TGFBRAP1: variants seen among roughly 807,000 people sequenced by gnomAD.
The protein encoded by TGFBRAP1 is transforming growth factor beta receptor associated protein 1.
TGFBRAP1 carries 20 observed loss-of-function variants against 83.2 expected under a neutral mutation model. The observed-to-expected ratio is 0.24, with a 90% CI of 0.17 to 0.35. TGFBRAP1 has a LOEUF of 0.35. TGFBRAP1 is among the 10% of genes least tolerant of loss of function. The pLI is 1.00. For missense variants in TGFBRAP1, 950 were observed against 1,099.4 expected (o/e 0.86, Z 1.92); for synonymous variants, 415 against 459.8 (o/e 0.90, Z 1.25).
chr2:105,299,630 C>T (rs1678216021), intron 2 of TGFBRAP1, among the ~76,000 whole-genome samples: 1 of 151,842 alleles, frequency 6.6e-6, no homozygotes, highest in Non-Finnish European at 1.5e-5. Flanking sequence ...GGCAGTGGTG[C>T]GTGTCTATAA....
In TGFBRAP1 at chr2:105,300,318, T is replaced by A. The variant is rs111709080; in HGVS notation, c.689-1613A>T. 5.3e-3 allele frequency among the ~76,000 whole-genome samples: 808 copies of A among 152,260 alleles called. 6 individuals carry two copies. Among genetic ancestry groups the A allele is most frequent in the Non-Finnish European group, 8.4e-3 (571 of 68,024 alleles). ...ACAAGCAGAACAAAACTTAAGAAGG[T>A]TGGTTCATTTAGCCAGATGCCCATG... On this transcript the variant is annotated intron_variant, in intron 2 of 11. Coordinates refer to ENST00000393359, the MANE Select transcript of TGFBRAP1 (RefSeq NM_004257.6).
chr2:105,276,785 T>G (rs1208125962), intron 7 of TGFBRAP1, among the ~76,000 whole-genome samples: 1 of 152,222 alleles, frequency 6.6e-6, no homozygotes, highest in African/African-American at 2.4e-5. Context: ...TTTTTTGTTG[T>G]TGTTGTTGTT....
At chr2:105,316,474 C>A (rs935839002) in intron 1 of TGFBRAP1, among the ~76,000 whole-genome samples, 66 of 70,502 alleles carry the variant, frequency 9.4e-4, no homozygotes, top group Non-Finnish European at 1.4e-3. Flanking sequence ...CGCGCGCGCG[C>A]GCGCGCACGC....
At chr2:105,277,166 C>T (rs182219120) in intron 7 of TGFBRAP1, among the ~76,000 whole-genome samples, 97 of 152,306 alleles carry the variant, frequency 6.4e-4, no homozygotes, top group Non-Finnish European at 1.1e-3. Flanking sequence ...GGACACATGG[C>T]CTCGGGCAAG....
At chr2:105,262,606 C>T (rs559635245), downstream of TGFBRAP1, among the ~76,000 whole-genome samples, 1 of 152,326 alleles carries the variant, frequency 6.6e-6, no homozygotes, top group South Asian at 2.1e-4. Flanking sequence ...ACCTGACTTG[C>T]TGAGGACCAC....
intron 6 of TGFBRAP1, 49 bp from the exon 7 acceptor site, chr2:105,277,720 G>T (rs373875899): frequency 6.3e-7 from 1 of 1,575,850 alleles, no homozygotes; most frequent in African/African-American, 1.3e-5. Flanking sequence ...TCAGCTCCTG[G>T]AGGCGACCTT....
chr2:105,267,317 T>G lies in TGFBRAP1; in HGVS notation c.*66A>C. The G allele has an allele frequency of 6.3e-7, 1 of 1,588,492 alleles. No individual in the cohort carries two copies. Among genetic ancestry groups the G allele is most frequent in the Non-Finnish European group, 8.6e-7 (1 of 1,166,270 alleles). ...GCTGACACAGAGCATGGTGGTCATC[T>G]GCTCTTCATGTCCAGCAGGCTCAGA... On this transcript the variant is annotated 3_prime_UTR_variant, in exon 12 of 12. Coordinates refer to ENST00000393359, the MANE Select transcript of TGFBRAP1 (RefSeq NM_004257.6).
At chr2:105,313,207 C>T (rs944216948) in intron 1 of TGFBRAP1, among the ~76,000 whole-genome samples, 7 of 152,168 alleles carry the variant, frequency 4.6e-5, no homozygotes, top group African/African-American at 1.4e-4. Flanking sequence ...CTGTTCTTTC[C>T]GGCTACACAT....
intron 1 of TGFBRAP1, among the ~76,000 whole-genome samples, chr2:105,322,100 A>C (rs1014323657): frequency 6.6e-6 from 1 of 152,174 alleles, no homozygotes; most frequent in South Asian, 2.1e-4. Flanking sequence ...GATGACAGGG[A>C]TAAGGATGAT....
rs61738979 is a variant in TGFBRAP1 at position 105,272,937 on chromosome 2, C to T, written c.1890G>A (p.Lys630=). 2.4e-3 allele frequency: 3,815 copies of T among 1,611,686 alleles called. 101 individuals carry two copies. The African/African-American group carries it at 0.045, about 19-fold the overall frequency. Residue 630 remains lysine, a synonymous_variant, in exon 10 of 12, where the codon AAG becomes AAA. Transcript: ENST00000393359. Reference sequence around the variant, plus strand: ...CCTGCGTCTCGGTGGCCTCTGCACCCTTGCCACTGGCGGAGGCCCTCTGCA... The same window carrying T: ...CCTGCGTCTCGGTGGCCTCTGCACCTTTGCCACTGGCGGAGGCCCTCTGCA... The part of the protein sequence containing the change: ...VLLQRASASG[K]GAEATETQAK...
chr2:105,276,173 G>C (rs535886289), intron 7 of TGFBRAP1, among the ~76,000 whole-genome samples: 1 of 152,318 alleles, frequency 6.6e-6, no homozygotes, highest in African/African-American at 2.4e-5. Context: ...TTTTACAAAA[G>C]CTTCAGTGAT....
At chr2:105,289,085 A>G (rs1216352162) in intron 4 of TGFBRAP1, among the ~76,000 whole-genome samples, 1 of 152,166 alleles carries the variant, frequency 6.6e-6, no homozygotes, top group African/African-American at 2.4e-5. Context: ...GGAAGCCTGC[A>G]ATGGACACAT....
chr2:105,319,006 C>G (rs1324732905), intron 1 of TGFBRAP1, among the ~76,000 whole-genome samples: 1 of 152,040 alleles, frequency 6.6e-6, no homozygotes, highest in Non-Finnish European at 1.5e-5. Flanking sequence ...TCACCAAGGA[C>G]AGGCCTCATT....
intron 4 of TGFBRAP1, among the ~76,000 whole-genome samples, chr2:105,294,012 CG>C (rs1678000149): frequency 6.6e-6 from 1 of 151,990 alleles, no homozygotes; most frequent in South Asian, 2.1e-4. Context: ...ACTATTTTTT[CG>C]AGTAGAGAAG....
At chr2:105,279,630 T>C (rs1299017182) in intron 6 of TGFBRAP1, among the ~76,000 whole-genome samples, 1 of 124,046 alleles carries the variant, frequency 8.1e-6, no homozygotes, top group Non-Finnish European at 2.0e-5. Flanking sequence ...AATCTGTTTA[T>C]CTAGCTATCT....
At chr2:105,296,286 G>C in intron 4 of TGFBRAP1, 70 bp downstream of exon 4, 5 of 1,580,990 alleles carry the variant, frequency 3.2e-6, no homozygotes, top group Non-Finnish European at 4.3e-6. Context: ...GCCGATGCAT[G>C]TTAGTTAAAT....
rs1677491239 is a variant in TGFBRAP1 at position 105,280,339 on chromosome 2, G to A, written c.1463+43C>T. ...CCCAGCAAAGAGCCTCAGTAAGGGT[G>A]CAGGGCGGGAAGCCCTGATCATATC... On this transcript the variant is annotated intron_variant, in intron 6 of 11. Transcript: ENST00000393359. 4 of 1,572,426 alleles carry A rather than the reference G, an allele frequency of 2.5e-6. No individual in the cohort carries two copies. In the African/African-American group the frequency reaches 4.0e-5, roughly 16 times the overall value.
chr2:105,323,820 G>A (rs983431783), intron 1 of TGFBRAP1, among the ~76,000 whole-genome samples: 1 of 152,162 alleles, frequency 6.6e-6, no homozygotes, highest in Non-Finnish European at 1.5e-5. Context: ...GTAGGTTTAC[G>A]GGTTGACTTA....
chr2:105,292,413 T>C (rs958619159), intron 4 of TGFBRAP1, among the ~76,000 whole-genome samples: 2 of 152,148 alleles, frequency 1.3e-5, no homozygotes, highest in African/African-American at 4.8e-5. Flanking sequence ...AAGATGTTAC[T>C]GGCTAATTTC....
Sources: allele counts gnomAD v4.1 joint callset (sites outside exome capture counted in the v4.1 genomes callset), GRCh38; gene constraint gnomAD v4.1.1; transcripts MANE v1.5; gene names NCBI Gene and HGNC (gene_info 2026-07-23, HGNC 2026-07-21).